The following MNAT1 variants were observed in gnomAD, a reference collection of about 807,000 sequenced individuals.
MNAT1 encodes MNAT1 component of CDK activating kinase, also known as CDK-activating kinase assembly factor MAT1.
MNAT1 carries 43 observed loss-of-function variants against 42.0 expected under a neutral mutation model. The ratio of observed to expected loss-of-function variants is 1.02; its 90% CI spans 0.80 to 1.32. The LOEUF is 1.32. MNAT1 is among the 40% of genes most tolerant of loss of function. The pLI is 0.00. For missense variants in MNAT1, 306 were observed against 350.4 expected, an observed-to-expected ratio of 0.87 and a Z score of 1.01; for synonymous variants, 118 against 120.0, an observed-to-expected ratio of 0.98 and a Z score of 0.11.
intron 7 of MNAT1, among the ~76,000 whole-genome samples, chr14:60,887,832 A>C (rs891869630): frequency 6.6e-6 from 1 of 152,092 alleles, no homozygotes; most frequent in Non-Finnish European, 1.5e-5. Flanking sequence ...CTATGCAAAT[A>C]AACTAGAAAA....
chr14:60,868,628 G>T (rs918081693), intron 6 of MNAT1, among the ~76,000 whole-genome samples: 2 of 152,124 alleles, frequency 1.3e-5, no homozygotes, highest in Non-Finnish European at 2.9e-5. Context: ...GCAGGGGCTT[G>T]ATCTGTTTTG....
At chr14:60,943,053 CTTTTTT>C in intron 7 of MNAT1, among the ~76,000 whole-genome samples, 2 of 53,118 alleles carry the variant, frequency 3.8e-5, no homozygotes, top group South Asian at 1.9e-3. Context: ...TGTGTGTGCG[CTTTTTT>C]TTTTTTTTTT....
intron 7 of MNAT1, among the ~76,000 whole-genome samples, chr14:60,935,334 C>T (rs981006565): frequency 4.1e-5 from 6 of 146,992 alleles, no homozygotes; most frequent in African/African-American, 1.5e-4. Context: ...CTCCCTCCCT[C>T]CTTCCTTTCT....
At chr14:60,780,449 G>T (rs1003934116) in intron 1 of MNAT1, 19 of 1,542,540 alleles carry the variant, frequency 1.2e-5, no homozygotes, top group Admixed American at 3.3e-5. Context: ...GATTTACACA[G>T]ACAAAGATTT....
chr14:60,841,595 T>C (rs1040793775), intron 6 of MNAT1, among the ~76,000 whole-genome samples: 4 of 152,226 alleles, frequency 2.6e-5, no homozygotes, highest in African/African-American at 7.2e-5. Flanking sequence ...CCTGCTAATT[T>C]CACATTTCTG....
In MNAT1 at chr14:60,759,951, A is replaced by G. The variant is rs190482378; in HGVS notation, c.89+25000A>G. ...AAGTTCTGTTCTGCCCAGAGAGCAT[A>G]GTATAATATGGAAGTAGGTCTTCTG... On this transcript the variant is annotated intron_variant, in intron 1 of 7. Transcript: ENST00000261245. 4.9e-3 allele frequency among the ~76,000 whole-genome samples: 751 copies of G among 152,328 alleles called. 3 individuals carry two copies. The highest frequency in any genetic ancestry group is 6.9e-3 in the Non-Finnish European group (470 of 68,014).
chr14:60,957,727 T>C (rs563402634), intron 7 of MNAT1, among the ~76,000 whole-genome samples: 1 of 152,356 alleles, frequency 6.6e-6, no homozygotes, highest in African/African-American at 2.4e-5. Flanking sequence ...GGAAATGCTT[T>C]TGTCTTTCAA....
chr14:60,872,824 T>TCACACACA (rs1238803348), intron 6 of MNAT1, among the ~76,000 whole-genome samples: 2 of 146,066 alleles, frequency 1.4e-5, no homozygotes, highest in African/African-American at 2.6e-5. Context: ...TGGTATTACA[T>TCACACACA]CACACACACA....
At position 60,969,817 on chromosome 14, in the gene MNAT1, A is replaced by C. The variant is rs577173475; in HGVS notation, c.*1468A>C. The C allele has an allele frequency of 6.6e-6, 1 of 152,224 alleles. No homozygotes were observed. The highest frequency in any genetic ancestry group is 6.5e-5 in the Admixed American group (1 of 15,292). The allele number at this position is 152,224 out of a possible 1,614,324, so 9.4% of individuals were successfully genotyped here. A position where few individuals can be genotyped will look rare whatever the true frequency, so the allele number is the denominator to read the frequency against. ...AAAAGAAACACTACTGCTTGTTCTCATACCTTTTATAAATGTATTTTAAAA... is the reference window on the plus strand; with the variant it reads ...AAAAGAAACACTACTGCTTGTTCTCCTACCTTTTATAAATGTATTTTAAAA... On this transcript the variant is annotated 3_prime_UTR_variant, in exon 8 of 8. Coordinates refer to ENST00000261245, the MANE Select transcript of MNAT1 (RefSeq NM_002431.4).
At chr14:60,764,469 G>C (rs2030732391) in intron 1 of MNAT1, among the ~76,000 whole-genome samples, 1 of 6,166 alleles carries the variant, frequency 1.6e-4, no homozygotes, top group African/African-American at 3.7e-4. Context: ...AAGTTAATGG[G>C]CTATTTGGGT....
intron 1 of MNAT1, among the ~76,000 whole-genome samples, chr14:60,756,137 T>C (rs1224445071): frequency 6.6e-6 from 1 of 152,230 alleles, no homozygotes; most frequent in Non-Finnish European, 1.5e-5. Context: ...TTTAATGGAC[T>C]ATGGGATAAG....
chr14:60,801,161 G>T (rs2032190288), intron 3 of MNAT1, among the ~76,000 whole-genome samples: 1 of 151,684 alleles, frequency 6.6e-6, no homozygotes. Context: ...GATAGAAAGG[G>T]CTTGGAAAAA....
chr14:60,816,855 A>G (rs1319828958), intron 5 of MNAT1, among the ~76,000 whole-genome samples: 1 of 152,064 alleles, frequency 6.6e-6, no homozygotes, highest in Non-Finnish European at 1.5e-5. Context: ...TCTGTGCTTC[A>G]ATATCAAAAG....
At chr14:60,803,437 A>AT (rs2139338572) in intron 3 of MNAT1, among the ~76,000 whole-genome samples, 2 of 152,298 alleles carry the variant, frequency 1.3e-5, no homozygotes, top group Non-Finnish European at 2.9e-5. Context: ...AGAGACAGGC[A>AT]TTTTTATTCC....
intron 1 of MNAT1, among the ~76,000 whole-genome samples, chr14:60,746,944 AC>A (rs1896647465): frequency 2.6e-5 from 1 of 38,680 alleles, no homozygotes; most frequent in South Asian, 9.8e-4. Context: ...ACACACACAC[AC>A]ACACACACAC....
At chr14:60,832,432 G>A (rs2139385538) in intron 6 of MNAT1, among the ~76,000 whole-genome samples, 1 of 152,258 alleles carries the variant, frequency 6.6e-6, no homozygotes, top group African/African-American at 2.4e-5. Context: ...TATTAAGTAG[G>A]GAATCCTTTC....
At chr14:60,899,307 G>T (rs1307034609) in intron 7 of MNAT1, among the ~76,000 whole-genome samples, 1 of 152,074 alleles carries the variant, frequency 6.6e-6, no homozygotes, top group Non-Finnish European at 1.5e-5. Context: ...AACTGTGAAG[G>T]TTTAATGTCC....
In MNAT1 at chr14:60,947,481, G is replaced by A. The variant is rs534031805; in HGVS notation, c.810-20748G>A. On this transcript the variant is annotated intron_variant, in intron 7 of 7. Coordinates refer to ENST00000261245, the MANE Select transcript of MNAT1 (RefSeq NM_002431.4). Reference sequence around the variant, plus strand: ...GTGGATCTTCTGAGGTCAGGAGTTCGAGACAAGCCTGGCCAACATGGTGAA... The same window carrying A: ...GTGGATCTTCTGAGGTCAGGAGTTCAAGACAAGCCTGGCCAACATGGTGAA... Among the ~76,000 whole-genome samples, 68 of 152,166 alleles carry A rather than the reference G, an allele frequency of 4.5e-4. 2 individuals carry two copies. In the South Asian group the frequency reaches 0.013, roughly 29 times the overall value.
At chr14:60,794,991 T>C (rs1431829027) in intron 1 of MNAT1, among the ~76,000 whole-genome samples, 1 of 152,118 alleles carries the variant, frequency 6.6e-6, no homozygotes, top group East Asian at 1.9e-4. Flanking sequence ...TTATGAAATA[T>C]ACTGTACTTC....
Sources: gnomAD v4.1 joint callset for allele counts (sites outside exome capture counted in the v4.1 genomes callset) on GRCh38, gnomAD v4.1.1 for gene constraint, MANE v1.5 for transcripts, NCBI Gene and HGNC (gene_info 2026-07-23, HGNC 2026-07-21) for gene names.